The following MACROD2 variants were observed in gnomAD, a reference collection of about 807,000 sequenced individuals.
The protein encoded by MACROD2 is ADP-ribose glycohydrolase MACROD2.
Under a neutral mutation model 70.4 loss-of-function variants are expected in MACROD2, and 36 were observed. That is an observed-to-expected ratio of 0.51 (90% CI 0.39 to 0.68). The LOEUF is 0.68. MACROD2 is among the 30% of genes least tolerant of loss of function. The pLI is 0.00. For missense variants in MACROD2, 496 were observed against 538.4 expected (o/e 0.92, Z 0.78); for synonymous variants, 172 against 178.8 (o/e 0.96, Z 0.30).
At chr20:15,834,863 C>T (rs573043624) in intron 8 of MACROD2, among the ~76,000 whole-genome samples, 1 of 152,154 alleles carries the variant, frequency 6.6e-6, no homozygotes, top group African/African-American at 2.4e-5. Flanking sequence ...ATTCATGGCT[C>T]ATGAATATCG....
chr20:14,038,086 G>A (rs1326572551), intron 2 of MACROD2, among the ~76,000 whole-genome samples: 3 of 152,148 alleles, frequency 2.0e-5, no homozygotes, highest in Non-Finnish European at 4.4e-5. Context: ...TTCACGTCAG[G>A]AGTTTGAGAC....
intron 3 of MACROD2, among the ~76,000 whole-genome samples, chr20:14,277,386 G>A (rs910711709): frequency 2.0e-5 from 3 of 152,206 alleles, no homozygotes; most frequent in African/African-American, 7.2e-5. Context: ...GGAGGCGGAG[G>A]TTGCAGTGAT....
chr20:15,870,434 T>C (rs533733287), intron 9 of MACROD2, among the ~76,000 whole-genome samples: 30 of 152,144 alleles, frequency 2.0e-4, no homozygotes, highest in African/African-American at 7.0e-4. Flanking sequence ...ACTGCTACAG[T>C]TGGAATGTGT....
intron 3 of MACROD2, among the ~76,000 whole-genome samples, chr20:14,354,229 G>A (rs966367905): frequency 2.0e-5 from 3 of 151,958 alleles, no homozygotes; most frequent in African/African-American, 7.3e-5. Flanking sequence ...TAAGTTATTT[G>A]TACTTTTCTT....
chr20:14,519,420 C>A (rs576423189), intron 4 of MACROD2, among the ~76,000 whole-genome samples: 5 of 152,084 alleles, frequency 3.3e-5, no homozygotes, highest in Admixed American at 2.6e-4. Context: ...ACTGAACAGG[C>A]ACTTTTCAAA....
In MACROD2 at chr20:14,977,499, AC is replaced by A. The variant is rs1411420734; in HGVS notation, c.419-252440del. On this transcript the variant is annotated intron_variant, in intron 5 of 17. Coordinates refer to ENST00000684519, the MANE Select transcript of MACROD2 (RefSeq NM_001351661.2). The stretch of plus-strand genomic sequence containing the variant: ...CACACACACACACACACACACACAC[AC>A]AATTAGGGTTTAGGGTGACCTGAAG... Among the ~76,000 whole-genome samples the A allele has an allele frequency of 1.2e-3, 182 of 150,134 alleles. 2 individuals are homozygous for A. Among genetic ancestry groups the A allele is most frequent in the African/African-American group, 4.4e-3 (175 of 39,968 alleles).
chr20:14,434,547 C>G (rs1346907912), intron 3 of MACROD2, among the ~76,000 whole-genome samples: 1 of 152,074 alleles, frequency 6.6e-6, no homozygotes, highest in Non-Finnish European at 1.5e-5. Flanking sequence ...ACAGACACCC[C>G]AAGGGCAAGG....
chr20:14,766,880 T>C (rs2072097363), intron 5 of MACROD2, among the ~76,000 whole-genome samples: 1 of 152,166 alleles, frequency 6.6e-6, no homozygotes, highest in South Asian at 2.1e-4. Flanking sequence ...TTCCAAGTAT[T>C]GGCTTAAACA....
intron 3 of MACROD2, among the ~76,000 whole-genome samples, chr20:14,088,953 G>A (rs1257940318): frequency 6.6e-6 from 1 of 152,068 alleles, no homozygotes; most frequent in South Asian, 2.1e-4. Context: ...TGAAATAAAT[G>A]GTGCAAAACA....
chr20:14,794,782 G>A (rs1224301850), intron 5 of MACROD2, among the ~76,000 whole-genome samples: 4 of 152,146 alleles, frequency 2.6e-5, no homozygotes, highest in Admixed American at 6.5e-5. Flanking sequence ...TAACAAGACC[G>A]CCAAGGTCTC....
chr20:14,994,461 C>G (rs2053966881), intron 5 of MACROD2, among the ~76,000 whole-genome samples: 1 of 151,998 alleles, frequency 6.6e-6, no homozygotes, highest in African/African-American at 2.4e-5. Context: ...AGGCAGATGG[C>G]ACGGGAGCAG....
chr20:14,162,904 CT>C (rs1482222358), intron 3 of MACROD2, among the ~76,000 whole-genome samples: 5 of 151,844 alleles, frequency 3.3e-5, no homozygotes, highest in African/African-American at 1.2e-4. Context: ...GGCCTTATTC[CT>C]GTCATTTTAT....
At chr20:14,824,032 G>A (rs1004965577) in intron 5 of MACROD2, among the ~76,000 whole-genome samples, 1 of 151,980 alleles carries the variant, frequency 6.6e-6, no homozygotes, top group Non-Finnish European at 1.5e-5. Flanking sequence ...GACTGCAGGA[G>A]GAGAAATACC....
At chr20:14,930,277 A>G (rs2074282252) in intron 5 of MACROD2, among the ~76,000 whole-genome samples, 1 of 152,186 alleles carries the variant, frequency 6.6e-6, no homozygotes, top group Admixed American at 6.5e-5. Context: ...AAATTTATGT[A>G]TAAATGAAAA....
intron 2 of MACROD2, among the ~76,000 whole-genome samples, chr20:14,078,761 G>T (rs1382601835): frequency 4.6e-5 from 7 of 152,112 alleles, no homozygotes; most frequent in African/African-American, 1.2e-4. Flanking sequence ...AGGTCCCCTG[G>T]AAAATGTCAA....
At chr20:15,811,830 C>T (rs956770228) in intron 8 of MACROD2, among the ~76,000 whole-genome samples, 25 of 152,070 alleles carry the variant, frequency 1.6e-4, no homozygotes, top group Admixed American at 5.9e-4. Context: ...TATGAATAAG[C>T]GGGAAGTGGC....
chr20:14,658,517 A>T (rs1986080479), intron 4 of MACROD2, among the ~76,000 whole-genome samples: 1 of 152,242 alleles, frequency 6.6e-6, no homozygotes. Flanking sequence ...TACTTGAGGA[A>T]TTAGGCACAA....
intron 3 of MACROD2, among the ~76,000 whole-genome samples, chr20:14,398,406 ATTTT>A (rs71190136): frequency 7.0e-6 from 1 of 142,558 alleles, no homozygotes; most frequent in African/African-American, 2.6e-5. Context: ...CCTTGCCAGC[ATTTT>A]TTTTTTTTTT....
chr20:14,248,440 G>A (rs576098148), intron 3 of MACROD2, among the ~76,000 whole-genome samples: 2 of 152,180 alleles, frequency 1.3e-5, no homozygotes, highest in South Asian at 2.1e-4. Context: ...AAAATTAGCC[G>A]GGTGTGGTGG....
Sources: allele counts gnomAD v4.1 joint callset (sites outside exome capture counted in the v4.1 genomes callset), GRCh38; gene constraint gnomAD v4.1.1; transcripts MANE v1.5; gene names NCBI Gene and HGNC (gene_info 2026-07-23, HGNC 2026-07-21).